The following SDK1 variants were observed in gnomAD, a reference collection of about 807,000 sequenced individuals.
The protein encoded by SDK1 is protein sidekick-1.
In SDK1, 157 loss-of-function variants were observed where a neutral mutation model predicts 245.5. The ratio of observed to expected loss-of-function variants is 0.64; its 90% CI spans 0.56 to 0.73. The LOEUF (loss-of-function observed/expected upper bound fraction) is 0.73, where lower values mean the gene tolerates loss of function less well. Ranked by LOEUF, SDK1 falls within the 30% of genes least tolerant of loss-of-function variation. The pLI is 0.00. For missense variants in SDK1, 3,583 were observed against 3,002.3 expected (o/e 1.19, Z -4.52); for synonymous variants, 1,647 against 1,278.5 (o/e 1.29, Z -6.15).
At chr7:3,313,645 G>C (rs748817227) in intron 1 of SDK1, among the ~76,000 whole-genome samples, 1 of 152,252 alleles carries the variant, frequency 6.6e-6, no homozygotes, top group African/African-American at 2.4e-5. Context: ...GCAGATTAAC[G>C]GATTAGCGAG....
chr7:3,348,436 G>A (rs1273758661), intron 1 of SDK1, among the ~76,000 whole-genome samples: 1 of 152,160 alleles, frequency 6.6e-6, no homozygotes, highest in Admixed American at 6.5e-5. Flanking sequence ...GAGGTTGTTA[G>A]TGAATTAACA....
At chr7:3,345,303 G>GA (rs1780463449) in intron 1 of SDK1, among the ~76,000 whole-genome samples, 1 of 152,010 alleles carries the variant, frequency 6.6e-6, no homozygotes, top group Admixed American at 6.5e-5. Context: ...AGAATACATT[G>GA]AAAAAAGATA....
intron 1 of SDK1, among the ~76,000 whole-genome samples, chr7:3,359,062 C>T (rs1780884015): frequency 6.6e-6 from 1 of 152,120 alleles, no homozygotes; most frequent in Non-Finnish European, 1.5e-5. Context: ...CATCATAGAA[C>T]CTTATGGCAT....
At chr7:4,064,612 C>T (rs1779751318) in intron 19 of SDK1, among the ~76,000 whole-genome samples, 1 of 152,148 alleles carries the variant, frequency 6.6e-6, no homozygotes, top group Admixed American at 6.6e-5. Context: ...ACCCATACCC[C>T]ATGCTTACTG....
chr7:3,325,770 A>G (rs1779925706), intron 1 of SDK1, among the ~76,000 whole-genome samples: 1 of 152,158 alleles, frequency 6.6e-6, no homozygotes, highest in Admixed American at 6.5e-5. Context: ...TACATAGATA[A>G]TCCTCAGTTC....
chr7:3,335,569 C>A (rs1780179757), intron 1 of SDK1, among the ~76,000 whole-genome samples: 1 of 152,090 alleles, frequency 6.6e-6, no homozygotes, highest in Non-Finnish European at 1.5e-5. Flanking sequence ...AATTATTCTA[C>A]AGGTCTTGTC....
chr7:3,617,648 A>G (rs1046251071), intron 1 of SDK1, among the ~76,000 whole-genome samples: 3 of 152,202 alleles, frequency 2.0e-5, no homozygotes, highest in African/African-American at 4.8e-5. Flanking sequence ...TCATCCTGTC[A>G]TGGAAGTCAG....
intron 17 of SDK1, among the ~76,000 whole-genome samples, chr7:4,021,227 A>G (rs1402132961): frequency 1.3e-5 from 2 of 152,156 alleles, no homozygotes. Flanking sequence ...AAGAGCAGGA[A>G]GTAGAAAAGA....
chr7:3,733,574 G>A (rs1779238807), intron 4 of SDK1, among the ~76,000 whole-genome samples: 1 of 152,140 alleles, frequency 6.6e-6, no homozygotes, highest in South Asian at 2.1e-4. Flanking sequence ...TGAATCCCAT[G>A]TTTAAGGTCT....
At position 3,466,617 on chromosome 7, in the gene SDK1, A is replaced by G. The variant is rs79914084; in HGVS notation, c.299-152463A>G. Among the ~76,000 whole-genome samples, 1,300 of 151,394 alleles carry G rather than the reference A, an allele frequency of 8.6e-3. 15 individuals are homozygous for G. Among genetic ancestry groups the G allele is most frequent in the African/African-American group, 0.028 (1,151 of 41,196 alleles). On this transcript the variant is annotated intron_variant, in intron 1 of 44. Coordinates refer to ENST00000404826, the MANE Select transcript of SDK1 (RefSeq NM_152744.4). ...GATATCTGTTTTTTGAGCATGTTCC[A>G]TATCCATGTTTCATGTGAAATTGCT...
At chr7:3,977,680 G>A (rs1028204404) in intron 13 of SDK1, among the ~76,000 whole-genome samples, 4 of 152,204 alleles carry the variant, frequency 2.6e-5, no homozygotes, top group East Asian at 3.9e-4. Context: ...TCTTCCCTGC[G>A]CGCAGCTGAT....
intron 4 of SDK1, among the ~76,000 whole-genome samples, chr7:3,741,947 T>C (rs185492804): frequency 8.0e-5 from 12 of 150,718 alleles, no homozygotes; most frequent in African/African-American, 2.9e-4. Flanking sequence ...ACCCTGTCTA[T>C]TTTTTTGAGT....
At chr7:3,872,610 A>G (rs1780984919) in intron 5 of SDK1, among the ~76,000 whole-genome samples, 1 of 146,260 alleles carries the variant, frequency 6.8e-6, no homozygotes, top group Non-Finnish European at 1.5e-5. Flanking sequence ...ATGTGATATC[A>G]GCAGTGATAC....
chr7:3,979,107 GC>G (rs1399748883), intron 13 of SDK1, among the ~76,000 whole-genome samples: 1 of 152,152 alleles, frequency 6.6e-6, no homozygotes, highest in Non-Finnish European at 1.5e-5. Flanking sequence ...TGCACAGGAG[GC>G]CCTGCTCACC....
chr7:3,773,477 G>T (rs563848812), intron 4 of SDK1, among the ~76,000 whole-genome samples: 2 of 151,878 alleles, frequency 1.3e-5, no homozygotes, highest in Non-Finnish European at 2.9e-5. Context: ...ATTTCTTTGA[G>T]CATCTTCAAG....
chr7:4,106,069 G>A (rs1018753808), intron 22 of SDK1, among the ~76,000 whole-genome samples: 1 of 152,126 alleles, frequency 6.6e-6, no homozygotes, highest in Admixed American at 6.5e-5. Flanking sequence ...GCCACCTTCA[G>A]TGGTCCACCC....
At chr7:3,598,996 AGTTGC>A (rs1168649088) in intron 1 of SDK1, among the ~76,000 whole-genome samples, 436 of 148,980 alleles carry the variant, frequency 2.9e-3, no homozygotes, top group Middle Eastern at 6.9e-3. Context: ...GTTGCATGGT[AGTTGC>A]ATGCTTGCTT....
chr7:3,814,746 C>T (rs1444172423), intron 4 of SDK1, among the ~76,000 whole-genome samples: 1 of 151,028 alleles, frequency 6.6e-6, no homozygotes, highest in Non-Finnish European at 1.5e-5. Context: ...TACCCATGAG[C>T]ATGGAATGTT....
intron 1 of SDK1, among the ~76,000 whole-genome samples, chr7:3,550,622 A>G (rs1342170729): frequency 2.6e-5 from 4 of 152,230 alleles, no homozygotes; most frequent in Non-Finnish European, 5.9e-5. Context: ...CATGTAGAAC[A>G]AATCAGAAGT....
Sources: gnomAD v4.1 joint callset for allele counts (sites outside exome capture counted in the v4.1 genomes callset) on GRCh38, gnomAD v4.1.1 for gene constraint, MANE v1.5 for transcripts, NCBI Gene and HGNC (gene_info 2026-07-23, HGNC 2026-07-21) for gene names.